The following KCNN2 variants were observed in gnomAD, a reference collection of about 807,000 sequenced individuals.
KCNN2 encodes small conductance calcium-activated potassium channel protein 2.
A neutral mutation model predicts 55.5 loss-of-function variants in KCNN2; 24 were observed. That is an observed-to-expected ratio of 0.43 (90% CI 0.31 to 0.61). The LOEUF is 0.61. Ranked by LOEUF, KCNN2 falls within the 20% of genes least tolerant of loss-of-function variation. The pLI is 0.08. For synonymous variants in KCNN2, 431 were observed against 336.1 expected (o/e 1.28, Z -3.09); for missense variants, 754 against 853.6 (o/e 0.88, Z 1.45).
chr5:114,245,420 C>G (rs1334509650), intron 2 of KCNN2, among the ~76,000 whole-genome samples: 1 of 152,172 alleles, frequency 6.6e-6, no homozygotes, highest in Non-Finnish European at 1.5e-5. Context: ...TATATTATTT[C>G]ACTTAATCTT....
At chr5:114,466,459 T>C (rs1167938348) in intron 4 of KCNN2, among the ~76,000 whole-genome samples, 3 of 127,782 alleles carry the variant, frequency 2.3e-5, no homozygotes, top group African/African-American at 8.1e-5. Flanking sequence ...TACAAAGTTA[T>C]TTTATCTTCC....
chr5:114,212,459 G>A (rs1441258332), intron 1 of KCNN2, among the ~76,000 whole-genome samples: 3 of 151,918 alleles, frequency 2.0e-5, no homozygotes, highest in South Asian at 2.1e-4. Flanking sequence ...AAATTGTGGC[G>A]ATGGTTAAAC....
chr5:114,202,894 C>T (rs1184186817), intron 1 of KCNN2, among the ~76,000 whole-genome samples: 2 of 152,008 alleles, frequency 1.3e-5, no homozygotes, highest in East Asian at 1.9e-4. Flanking sequence ...CTGCTTCATG[C>T]CTAATATTAA....
intron 4 of KCNN2, among the ~76,000 whole-genome samples, chr5:114,466,480 T>C (rs1279521620): frequency 6.6e-6 from 1 of 151,894 alleles, no homozygotes; most frequent in Non-Finnish European, 1.5e-5. Context: ...TAGAAATATA[T>C]ATATATATAT....
intron 2 of KCNN2, among the ~76,000 whole-genome samples, chr5:114,386,661 C>T (rs1758297519): frequency 6.6e-6 from 1 of 152,042 alleles, no homozygotes; most frequent in Non-Finnish European, 1.5e-5. Flanking sequence ...AAAGGTTGAG[C>T]CAAGATTTAT....
intron 2 of KCNN2, among the ~76,000 whole-genome samples, chr5:114,340,225 A>G (rs1161710829): frequency 1.3e-5 from 2 of 152,232 alleles, no homozygotes; most frequent in African/African-American, 2.4e-5. Flanking sequence ...GAGAAATCCA[A>G]ATGGTCACTT....
At chr5:114,479,007 C>T (rs1331011554) in intron 5 of KCNN2, among the ~76,000 whole-genome samples, 1 of 152,072 alleles carries the variant, frequency 6.6e-6, no homozygotes, top group Non-Finnish European at 1.5e-5. Flanking sequence ...TCAAAATAAC[C>T]AGCTAGCATC....
intron 1 of KCNN2, among the ~76,000 whole-genome samples, chr5:114,167,173 C>T (rs1311526756): frequency 6.6e-6 from 1 of 152,104 alleles, no homozygotes; most frequent in African/African-American, 2.4e-5. Flanking sequence ...CAGGCCCTAA[C>T]CTACTACCAG....
chr5:114,168,679 G>A (rs1214596122), intron 1 of KCNN2, among the ~76,000 whole-genome samples: 1 of 152,084 alleles, frequency 6.6e-6, no homozygotes, highest in Non-Finnish European at 1.5e-5. Context: ...ACAATGACAT[G>A]TTGTGGTCTG....
At chr5:114,435,208 T>G (rs1358096551) in intron 3 of KCNN2, among the ~76,000 whole-genome samples, 1 of 142,742 alleles carries the variant, frequency 7.0e-6, no homozygotes, top group Non-Finnish European at 1.5e-5. Flanking sequence ...TCTCTAGCAA[T>G]TAGTCAATTA....
intron 2 of KCNN2, among the ~76,000 whole-genome samples, chr5:114,290,687 T>A (rs1755868278): frequency 6.6e-6 from 1 of 152,150 alleles, no homozygotes; most frequent in Admixed American, 6.6e-5. Context: ...ATTTGTGATG[T>A]TGAACCAGCC....
At chr5:114,108,946 G>C (rs1319663681) in intron 1 of KCNN2, among the ~76,000 whole-genome samples, 1 of 152,068 alleles carries the variant, frequency 6.6e-6, no homozygotes, top group East Asian at 1.9e-4. Flanking sequence ...TTGCCAAAGA[G>C]TTTTCCAGAG....
chr5:114,346,821 G>T (rs1327145345), intron 2 of KCNN2, among the ~76,000 whole-genome samples: 1 of 151,070 alleles, frequency 6.6e-6, no homozygotes, highest in African/African-American at 2.4e-5. Flanking sequence ...TTCACTCCAG[G>T]GGCTGGGACA....
intron 2 of KCNN2, among the ~76,000 whole-genome samples, chr5:114,319,053 T>C (rs769092291): frequency 2.7e-4 from 41 of 152,134 alleles, no homozygotes; most frequent in Non-Finnish European, 4.9e-4. Flanking sequence ...CAGACCTCTG[T>C]ATAAATCCTG....
chr5:114,114,391 C>A (rs1751671729), intron 1 of KCNN2, among the ~76,000 whole-genome samples: 1 of 151,974 alleles, frequency 6.6e-6, no homozygotes, highest in Non-Finnish European at 1.5e-5. Flanking sequence ...CTATGCCCAG[C>A]TAAATTTTTA....
intron 1 of KCNN2, among the ~76,000 whole-genome samples, chr5:114,169,740 G>A (rs184788563): frequency 7.4e-4 from 112 of 152,126 alleles, no homozygotes; most frequent in African/African-American, 2.7e-3. Flanking sequence ...GGACATAGAT[G>A]TTTGTTTTTC....
intron 1 of KCNN2, among the ~76,000 whole-genome samples, chr5:114,152,927 C>A (rs774168759): frequency 5.3e-5 from 8 of 152,082 alleles, no homozygotes; most frequent in Non-Finnish European, 1.2e-4. Flanking sequence ...GCATGAGAAG[C>A]CTTGATGGAG....
rs149639948 is a variant in KCNN2, at chr5:114,098,670, T to C, written c.-271+42170T>C. 6.8e-4 allele frequency among the ~76,000 whole-genome samples: 103 copies of C among 151,912 alleles called. 1 individual carries two copies. Among genetic ancestry groups the C allele is most frequent in the African/African-American group, 2.1e-3 (88 of 41,438 alleles). Reference sequence around the variant, plus strand: ...AAACTGGTCCCTGGTACCAAAAAGGTTGGGGACCGCTGGTCTACCACACTT... The same window carrying C: ...AAACTGGTCCCTGGTACCAAAAAGGCTGGGGACCGCTGGTCTACCACACTT... On this transcript the variant is annotated intron_variant, in intron 1 of 10. Transcript: ENST00000512097.
chr5:114,424,577 A>G (rs1467120428), intron 3 of KCNN2, among the ~76,000 whole-genome samples: 1 of 152,176 alleles, frequency 6.6e-6, no homozygotes, highest in Non-Finnish European at 1.5e-5. Context: ...TGCTGCTCAT[A>G]TTTTAGAAGG....
Sources: allele counts gnomAD v4.1 joint callset (sites outside exome capture counted in the v4.1 genomes callset), GRCh38; gene constraint gnomAD v4.1.1; transcripts MANE v1.5; gene names NCBI Gene and HGNC (gene_info 2026-07-23, HGNC 2026-07-21).